The following ACOXL variants were observed in gnomAD, a reference collection of about 807,000 sequenced individuals.
ACOXL encodes acyl-CoA oxidase like, also known as acyl-coenzyme A oxidase-like protein.
A neutral mutation model predicts 71.9 loss-of-function variants in ACOXL; 70 were observed. That is an observed-to-expected ratio of 0.97 (90% confidence interval 0.80 to 1.19). The LOEUF is 1.19. ACOXL is among the 50% of genes most tolerant of loss of function. The pLI, the probability that ACOXL is intolerant of heterozygous loss-of-function variation, is 0.00. For missense variants in ACOXL, 703 were observed against 736.3 expected (o/e 0.95, Z 0.52); for synonymous variants, 253 against 281.6 (o/e 0.90, Z 1.02).
intron 16 of ACOXL, 65 bp downstream of exon 16, chr2:111,049,353 G>A: frequency 1.6e-6 from 2 of 1,288,870 alleles, no homozygotes; most frequent in Non-Finnish European, 2.2e-6. Flanking sequence ...CCTGAGGAGA[G>A]TTTCATTTTT....
intron 14 of ACOXL, among the ~76,000 whole-genome samples, chr2:111,022,908 C>T (rs1028090292): frequency 2.0e-5 from 3 of 152,172 alleles, no homozygotes; most frequent in East Asian, 1.9e-4. Context: ...ATCTGGCTTG[C>T]GACATTTCCC....
chr2:110,782,974 C>G (rs150389949), intron 2 of ACOXL, among the ~76,000 whole-genome samples: 54 of 152,198 alleles, frequency 3.5e-4, no homozygotes, highest in African/African-American at 1.3e-3. Flanking sequence ...TAGGGGTGGA[C>G]CGATGAGGAA....
chr2:111,093,226 C>CAAA (rs551489527), intron 17 of ACOXL, among the ~76,000 whole-genome samples: 1 of 94,124 alleles, frequency 1.1e-5, no homozygotes. Flanking sequence ...TTGTCTTGGC[C>CAAA]AAAAAAAAAA....
intron 11 of ACOXL, among the ~76,000 whole-genome samples, chr2:110,912,309 C>A (rs2149253919): frequency 6.6e-6 from 1 of 152,116 alleles, no homozygotes; most frequent in East Asian, 1.9e-4. Context: ...AGTATAGCCA[C>A]AACAATCTTG....
intron 10 of ACOXL, among the ~76,000 whole-genome samples, 197 bp downstream of exon 10, chr2:110,841,602 A>C (rs143968309): frequency 9.5e-4 from 145 of 152,332 alleles, no homozygotes; most frequent in African/African-American, 3.3e-3. Context: ...TTGTGAAAAC[A>C]TGGTGGTAGA....
chr2:111,092,617 G>T (rs1558960442), intron 16 of ACOXL, among the ~76,000 whole-genome samples: 1 of 152,150 alleles, frequency 6.6e-6, no homozygotes, highest in Non-Finnish European at 1.5e-5. Flanking sequence ...TTTTGGGGAA[G>T]GATATATGGG....
chr2:111,050,566 CT>C (rs775631680), intron 16 of ACOXL, among the ~76,000 whole-genome samples: 21 of 152,198 alleles, frequency 1.4e-4, no homozygotes, highest in Non-Finnish European at 2.4e-4. Context: ...GGCCTTTGGT[CT>C]TTCTTCCCTC....
intron 16 of ACOXL, among the ~76,000 whole-genome samples, chr2:111,060,923 G>A (rs1293367038): frequency 6.6e-6 from 1 of 152,078 alleles, no homozygotes; most frequent in Admixed American, 6.5e-5. Context: ...AGAGAACAGA[G>A]GAAAGAATAA....
intron 9 of ACOXL, among the ~76,000 whole-genome samples, chr2:110,824,528 C>G (rs906851379): frequency 1.3e-5 from 2 of 152,078 alleles, no homozygotes; most frequent in African/African-American, 2.4e-5. Context: ...CTCTTTTTCT[C>G]TCTCTTTTGG....
chr2:111,102,516 G>A (rs2069235156), intron 17 of ACOXL, among the ~76,000 whole-genome samples: 1 of 152,188 alleles, frequency 6.6e-6, no homozygotes, highest in Admixed American at 6.5e-5. Context: ...TCTCCTTGGG[G>A]AGATGCTTAA....
At chr2:110,748,788 G>A (rs1678561100) in intron 1 of ACOXL, among the ~76,000 whole-genome samples, 1 of 152,160 alleles carries the variant, frequency 6.6e-6, no homozygotes, top group South Asian at 2.1e-4. Flanking sequence ...CCGCCTTTGG[G>A]GATTTGTTCT....
intron 11 of ACOXL, among the ~76,000 whole-genome samples, chr2:110,911,850 G>A (rs540743655): frequency 6.6e-6 from 1 of 152,124 alleles, no homozygotes; most frequent in South Asian, 2.1e-4. Context: ...ATCATGTTGA[G>A]GTTCTAGTCA....
chr2:110,753,194 C>T (rs564345786), intron 1 of ACOXL, among the ~76,000 whole-genome samples: 6 of 152,242 alleles, frequency 3.9e-5, no homozygotes, highest in Admixed American at 1.3e-4. Context: ...ACACCTGCTC[C>T]CCTTTTGCCT....
At chr2:110,858,886 C>G (rs1043701986) in intron 10 of ACOXL, among the ~76,000 whole-genome samples, 5 of 152,210 alleles carry the variant, frequency 3.3e-5, no homozygotes, top group Non-Finnish European at 7.3e-5. Context: ...AAACAGGAAG[C>G]CTGCCTTCTC....
intron 16 of ACOXL, among the ~76,000 whole-genome samples, chr2:111,087,988 T>C (rs2068305688): frequency 6.6e-6 from 1 of 152,092 alleles, no homozygotes; most frequent in Non-Finnish European, 1.5e-5. Context: ...GCAAAGAACA[T>C]GAACAGACAC....
intron 9 of ACOXL, among the ~76,000 whole-genome samples, chr2:110,830,797 T>C (rs572116891): frequency 5.2e-4 from 79 of 152,192 alleles, no homozygotes; most frequent in African/African-American, 1.9e-3. Context: ...CCTCCCAAAG[T>C]GCTGGGATTA....
intron 12 of ACOXL, among the ~76,000 whole-genome samples, chr2:110,969,044 G>C (rs1292001765): frequency 6.6e-6 from 1 of 152,142 alleles, no homozygotes; most frequent in Non-Finnish European, 1.5e-5. Context: ...TAAATACTTG[G>C]AAATTAAGCA....
intron 9 of ACOXL, among the ~76,000 whole-genome samples, 196 bp from the exon 10 acceptor site, chr2:110,841,175 C>G (rs1691130292): frequency 6.6e-6 from 1 of 152,274 alleles, no homozygotes; most frequent in South Asian, 2.1e-4. Flanking sequence ...AAGACTCTTT[C>G]AAAATACAAA....
intron 11 of ACOXL, among the ~76,000 whole-genome samples, chr2:110,915,407 CAT>C (rs776643074): frequency 0.016 from 955 of 60,872 alleles, 13 homozygotes; most frequent in East Asian, 0.04. Flanking sequence ...TGTGTATATA[CAT>C]ATATATATAT....
Sources: allele counts gnomAD v4.1 joint callset (sites outside exome capture counted in the v4.1 genomes callset), GRCh38; gene constraint gnomAD v4.1.1; transcripts MANE v1.5; gene names NCBI Gene and HGNC (gene_info 2026-07-23, HGNC 2026-07-21).